The following SHISA6 variants were observed in gnomAD, a reference collection of about 807,000 sequenced individuals.
The protein encoded by SHISA6 is protein shisa-6.
In SHISA6, 22 loss-of-function variants were observed where a neutral mutation model predicts 47.9. That is an observed-to-expected ratio of 0.46 (90% CI 0.33 to 0.66). SHISA6 has a LOEUF of 0.66. SHISA6 is among the 30% of genes least tolerant of loss of function. SHISA6 has a pLI of 0.02. For synonymous variants in SHISA6, 388 were observed against 337.8 expected, an observed-to-expected ratio of 1.15 and a Z score of -1.63; for missense variants, 680 against 764.6, an observed-to-expected ratio of 0.89 and a Z score of 1.30.
intron 2 of SHISA6, among the ~76,000 whole-genome samples, chr17:11,368,337 T>C: frequency 6.6e-6 from 1 of 152,058 alleles, no homozygotes; most frequent in Non-Finnish European, 1.5e-5. Context: ...AATTAGCGGG[T>C]CTGTTTTTTC....
intron 2 of SHISA6, among the ~76,000 whole-genome samples, chr17:11,300,461 C>T (rs985762146): frequency 3.9e-5 from 6 of 152,214 alleles, no homozygotes; most frequent in Admixed American, 1.3e-4. Context: ...CACTGTTTTC[C>T]AGGCAGCCCT....
intron 2 of SHISA6, among the ~76,000 whole-genome samples, chr17:11,286,739 C>A (rs1909312871): frequency 6.6e-6 from 1 of 152,146 alleles, no homozygotes; most frequent in South Asian, 2.1e-4. Context: ...CCTTATAGGA[C>A]CCCAGGATAT....
At chr17:11,414,139 C>G (rs141076504) in intron 3 of SHISA6, among the ~76,000 whole-genome samples, 4 of 151,784 alleles carry the variant, frequency 2.6e-5, no homozygotes. Flanking sequence ...TCCTCCTTAT[C>G]CCTTCCTCAT....
intron 3 of SHISA6, among the ~76,000 whole-genome samples, chr17:11,523,691 G>C (rs1008711622): frequency 2.0e-5 from 3 of 152,140 alleles, no homozygotes; most frequent in African/African-American, 7.2e-5. Context: ...GGGGAGTAAA[G>C]AGCTATAATC....
At chr17:11,557,287 T>G (rs917041683) in intron 5 of SHISA6, among the ~76,000 whole-genome samples, 43 of 152,318 alleles carry the variant, frequency 2.8e-4, no homozygotes, top group African/African-American at 1.0e-3. Context: ...GAGCTGCTAT[T>G]TGGATGTTTT....
chr17:11,446,073 G>A (rs1021277801), intron 3 of SHISA6, among the ~76,000 whole-genome samples: 5 of 152,110 alleles, frequency 3.3e-5, no homozygotes, highest in African/African-American at 9.7e-5. Context: ...TGATCCGCCC[G>A]CCTCGGCCTC....
chr17:11,372,558 G>A (rs1912661039), intron 2 of SHISA6, among the ~76,000 whole-genome samples: 1 of 151,152 alleles, frequency 6.6e-6, no homozygotes, highest in Admixed American at 6.6e-5. Context: ...ACTACCTATT[G>A]CTTTTCTTTT....
intron 3 of SHISA6, among the ~76,000 whole-genome samples, chr17:11,538,643 G>C (rs1567633487): frequency 6.6e-6 from 1 of 152,138 alleles, no homozygotes; most frequent in Admixed American, 6.5e-5. Flanking sequence ...CTGATTCCTA[G>C]AGCCTGTGTC....
At chr17:11,319,722 A>T (rs150000935) in intron 2 of SHISA6, among the ~76,000 whole-genome samples, 85 of 152,324 alleles carry the variant, frequency 5.6e-4, no homozygotes, top group African/African-American at 1.9e-3. Context: ...GAGGATATAA[A>T]CACTGTTCAA....
intron 1 of SHISA6, among the ~76,000 whole-genome samples, chr17:11,258,528 G>C (rs1908100418): frequency 1.3e-5 from 2 of 152,130 alleles, no homozygotes; most frequent in South Asian, 4.1e-4. Flanking sequence ...AATAATCCAA[G>C]TTTTCATTTT....
At chr17:11,409,849 GCCA>G (rs1914068553) in intron 3 of SHISA6, among the ~76,000 whole-genome samples, 2 of 152,140 alleles carry the variant, frequency 1.3e-5, no homozygotes, top group African/African-American at 4.8e-5. Flanking sequence ...CTGGAATAGT[GCCA>G]CCACCAAAAT....
chr17:11,248,688 C>T (rs536315107), intron 1 of SHISA6, among the ~76,000 whole-genome samples: 107 of 152,256 alleles, frequency 7.0e-4, no homozygotes, highest in African/African-American at 2.5e-3. Context: ...GCAGTTTTTT[C>T]ACGTTCCTTT....
At chr17:11,495,661 A>G (rs2071402018) in intron 3 of SHISA6, among the ~76,000 whole-genome samples, 1 of 152,206 alleles carries the variant, frequency 6.6e-6, no homozygotes, top group Non-Finnish European at 1.5e-5. Context: ...GAAAACAGTC[A>G]GACTGCAAGG....
intron 2 of SHISA6, among the ~76,000 whole-genome samples, chr17:11,346,605 A>G (rs996305672): frequency 6.6e-6 from 1 of 152,236 alleles, no homozygotes; most frequent in African/African-American, 2.4e-5. Context: ...GGGATCAATC[A>G]GTACATGAGT....
chr17:11,455,880 T>C (rs1033632507), intron 3 of SHISA6, among the ~76,000 whole-genome samples: 26 of 152,212 alleles, frequency 1.7e-4, no homozygotes, highest in Admixed American at 7.2e-4. Context: ...ATACACATCA[T>C]TTTAAGATAT....
At chr17:11,331,019 TG>T (rs1911087870) in intron 2 of SHISA6, among the ~76,000 whole-genome samples, 1 of 151,848 alleles carries the variant, frequency 6.6e-6, no homozygotes, top group Non-Finnish European at 1.5e-5. Context: ...GAAATGCGAG[TG>T]GATGTTTTGC....
intron 3 of SHISA6, among the ~76,000 whole-genome samples, chr17:11,457,572 A>C (rs904697675): frequency 2.0e-5 from 2 of 97,570 alleles, no homozygotes; most frequent in African/African-American, 1.3e-4. Context: ...TCTACTAAAA[A>C]TGCAAAAAAA....
At chr17:11,385,495 C>G (rs1913161850) in intron 3 of SHISA6, among the ~76,000 whole-genome samples, 1 of 152,092 alleles carries the variant, frequency 6.6e-6, no homozygotes, top group African/African-American at 2.4e-5. Flanking sequence ...TGTGGAAGGA[C>G]CAGATTTTAG....
chr17:11,516,379 G>A (rs2071585738), intron 3 of SHISA6, among the ~76,000 whole-genome samples: 1 of 152,202 alleles, frequency 6.6e-6, no homozygotes, highest in African/African-American at 2.4e-5. Context: ...CTGCTCACCA[G>A]AGTAGGGGCC....
Sources: gnomAD v4.1 joint callset for allele counts (sites outside exome capture counted in the v4.1 genomes callset) on GRCh38, gnomAD v4.1.1 for gene constraint, MANE v1.5 for transcripts, NCBI Gene and HGNC (gene_info 2026-07-23, HGNC 2026-07-21) for gene names.